Variants in DIPK1A observed in about 807,000 individuals in gnomAD.
DIPK1A encodes family with sequence similarity 69 member A.
In DIPK1A, 27 loss-of-function variants were observed where a neutral mutation model predicts 40.8. That is an observed-to-expected ratio of 0.66 (90% CI 0.49 to 0.91). The LOEUF (loss-of-function observed/expected upper bound fraction) is 0.91, where lower values mean the gene tolerates loss of function less well. Among genes scored for constraint, DIPK1A ranks in the 40% least tolerant of loss-of-function variants. The pLI is 0.00. For synonymous variants in DIPK1A, 166 were observed against 171.3 expected, an observed-to-expected ratio of 0.97 and a Z score of 0.24; for missense variants, 412 against 505.7, an observed-to-expected ratio of 0.81 and a Z score of 1.78.
At chr1:92,932,581 T>C (rs1039720902) in intron 1 of DIPK1A, 8 of 151,954 alleles carry the variant, frequency 5.3e-5, no homozygotes, top group African/African-American at 1.9e-4. Flanking sequence ...CATGAAAAGA[T>C]GTAGAGAAAT....
intron 2 of DIPK1A, among the ~76,000 whole-genome samples, chr1:92,869,750 T>C (rs1170361504): frequency 6.6e-6 from 1 of 152,064 alleles, no homozygotes. Flanking sequence ...TATATATATA[T>C]ACCTAAAATT....
chr1:92,886,325 T>C (rs897497804), intron 1 of DIPK1A, among the ~76,000 whole-genome samples: 1 of 151,824 alleles, frequency 6.6e-6, no homozygotes, highest in Non-Finnish European at 1.5e-5. Flanking sequence ...AGCATGACCC[T>C]GTCTAAAAAA....
chr1:92,953,753 C>T (rs982341851), intron 1 of DIPK1A, among the ~76,000 whole-genome samples: 3 of 152,072 alleles, frequency 2.0e-5, no homozygotes, highest in South Asian at 2.1e-4. Context: ...AATGAGGAGT[C>T]GTTCAATGGG....
intron 4 of DIPK1A, chr1:92,846,032 AAAAG>A (rs1027017857): frequency 1.2e-3 from 191 of 153,236 alleles, no homozygotes; most frequent in Non-Finnish European, 2.3e-3. Context: ...ATCTTTTAAA[AAAAG>A]AAAGAAAGAA....
chr1:92,894,677 G>A (rs931592213), intron 1 of DIPK1A, among the ~76,000 whole-genome samples: 4 of 152,048 alleles, frequency 2.6e-5, no homozygotes, highest in Non-Finnish European at 4.4e-5. Flanking sequence ...AGGAAATAGA[G>A]ACACAAAAAA....
At chr1:92,949,850 T>C (rs1651559024) in intron 1 of DIPK1A, among the ~76,000 whole-genome samples, 1 of 152,238 alleles carries the variant, frequency 6.6e-6, no homozygotes, top group Non-Finnish European at 1.5e-5. Flanking sequence ...ATCAGTTCTA[T>C]AAAACTCTGT....
intron 3 of DIPK1A, among the ~76,000 whole-genome samples, chr1:92,850,442 A>C (rs1164466813): frequency 6.6e-6 from 1 of 152,216 alleles, no homozygotes; most frequent in Admixed American, 6.5e-5. Context: ...GCACTTTGGA[A>C]GGCCAAGGCG....
At chr1:92,841,864 A>G (rs1687379793), downstream of DIPK1A, 1 of 1,609,596 alleles carries the variant, frequency 6.2e-7, no homozygotes. Flanking sequence ...GCTGAGAGCT[A>G]AACCCAGCAA....
chr1:92,874,041 A>G (rs1648002594), intron 2 of DIPK1A, among the ~76,000 whole-genome samples: 1 of 152,224 alleles, frequency 6.6e-6, no homozygotes, highest in African/African-American at 2.4e-5. Flanking sequence ...ATAATTTTTT[A>G]AAAGCCAGTC....
intron 2 of DIPK1A, among the ~76,000 whole-genome samples, chr1:92,873,886 T>G (rs1451010368): frequency 6.6e-6 from 1 of 152,150 alleles, no homozygotes; most frequent in African/African-American, 2.4e-5. Context: ...TAAAATATAC[T>G]TTAACAATAT....
chr1:92,833,029 C>A, exon 5 of DIPK1A: 1 of 740,930 alleles, frequency 1.3e-6, no homozygotes, highest in Non-Finnish European at 2.5e-6. Flanking sequence ...ATTACCGGTG[C>A]TGGTCCTTGA....
intron 1 of DIPK1A, among the ~76,000 whole-genome samples, chr1:92,914,643 C>A (rs540800316): frequency 1.3e-5 from 2 of 151,700 alleles, no homozygotes; most frequent in East Asian, 3.9e-4. Context: ...GTGGTGGGCA[C>A]CTGTAGTCCC....
In DIPK1A at chr1:92,959,779, ACT is replaced by A. The variant is rs1651989251; in HGVS notation, c.54+1595_54+1596del. On this transcript the variant is annotated intron_variant, in intron 1 of 4. Coordinates refer to ENST00000370310, the MANE Select transcript of DIPK1A (RefSeq NM_001006605.5). The stretch of plus-strand genomic sequence containing the variant: ...TTTTGTTTTTAAGAGGCAAGGTCTC[ACT>A]CTGTTGCCCAGGCTGGAGTGCAGTG... Among the ~76,000 whole-genome samples the A allele has an allele frequency of 4.8e-5, 7 of 146,642 alleles. No homozygotes were observed. In the South Asian group the frequency reaches 1.5e-3, roughly 32 times the overall value.
chr1:92,882,936 T>C lies in DIPK1A; in HGVS notation c.55-6506A>G, dbSNP rs139230620. Among the ~76,000 whole-genome samples, 844 of 152,310 alleles carry C rather than the reference T, an allele frequency of 5.5e-3. 3 individuals are homozygous for C. Among genetic ancestry groups the C allele is most frequent in the Non-Finnish European group, 9.2e-3 (626 of 68,034 alleles). On this transcript the variant is annotated intron_variant, in intron 1 of 4. Transcript: ENST00000370310. ...CCACATGCTGATGTGATATTAGGCT[T>C]AGAATGTTAAACAGCTTTGGCTCTA...
chr1:92,899,043 C>T (rs969957691), intron 1 of DIPK1A, among the ~76,000 whole-genome samples: 5 of 152,202 alleles, frequency 3.3e-5, no homozygotes, highest in Non-Finnish European at 7.3e-5. Flanking sequence ...GTTGGGATTA[C>T]AGGCATGAGC....
chr1:92,928,315 A>T (rs1557488828), intron 1 of DIPK1A, among the ~76,000 whole-genome samples: 1 of 152,252 alleles, frequency 6.6e-6, no homozygotes, highest in Non-Finnish European at 1.5e-5. Flanking sequence ...GATATCTTGT[A>T]ACAGCATTAT....
intron 1 of DIPK1A, among the ~76,000 whole-genome samples, chr1:92,939,951 C>CA (rs11400901): frequency 0.61 from 91,355 of 149,006 alleles, 28,463 homozygotes; most frequent in East Asian, 0.94. Context: ...GACCCTGTCT[C>CA]AAAAAAAAAA....
chr1:92,866,392 G>T (rs760257892), intron 2 of DIPK1A, among the ~76,000 whole-genome samples: 1 of 152,168 alleles, frequency 6.6e-6, no homozygotes, highest in African/African-American at 2.4e-5. Context: ...ATGAGCCACC[G>T]CACCTGGCCT....
intron 2 of DIPK1A, among the ~76,000 whole-genome samples, chr1:92,856,976 GAAAT>G (rs1688006884): frequency 6.6e-6 from 1 of 152,166 alleles, no homozygotes; most frequent in Non-Finnish European, 1.5e-5. Context: ...TCATTAAAAT[GAAAT>G]AAATAGGCCC....
Sources: allele counts gnomAD v4.1 joint callset (sites outside exome capture counted in the v4.1 genomes callset), GRCh38; gene constraint gnomAD v4.1.1; transcripts MANE v1.5; gene names NCBI Gene and HGNC (gene_info 2026-07-23, HGNC 2026-07-21).